Variants in CACNG7 observed in about 807,000 individuals in gnomAD.
CACNG7 encodes voltage-dependent calcium channel gamma-7 subunit.
CACNG7 carries 9 observed loss-of-function variants against 26.3 expected under a neutral mutation model. The observed-to-expected ratio is 0.34, with a 90% CI of 0.21 to 0.60. The LOEUF (loss-of-function observed/expected upper bound fraction) is 0.60, where lower values mean the gene tolerates loss of function less well. CACNG7 is among the 20% of genes least tolerant of loss of function. CACNG7 has a pLI of 0.81. For missense variants in CACNG7, 297 were observed against 380.4 expected, an observed-to-expected ratio of 0.78 and a Z score of 1.82; for synonymous variants, 170 against 157.0, an observed-to-expected ratio of 1.08 and a Z score of -0.62.
chr19:53,941,969 G>A, intron 5 of CACNG7, 67 bp from the exon 6 acceptor site: 1 of 1,491,140 alleles, frequency 6.7e-7, no homozygotes. Flanking sequence ...GGAGTGAGAG[G>A]AGATGAGTCG....
At chr19:53,916,081 T>A (rs1413291420) in intron 4 of CACNG7, among the ~76,000 whole-genome samples, 2 of 152,228 alleles carry the variant, frequency 1.3e-5, no homozygotes, top group African/African-American at 2.4e-5. Flanking sequence ...TGCATGGTCT[T>A]GCGTCTGTCC....
At position 53,942,409 on chromosome 19, in the gene CACNG7, T is replaced by C; in HGVS notation, c.*116T>C. 2.0e-6 allele frequency: 3 copies of C among 1,506,284 alleles called. No homozygotes were observed. Among genetic ancestry groups the C allele is most frequent in the East Asian group, 4.6e-5 (2 of 43,670 alleles). 93.3% of individuals were successfully genotyped at this position (1,506,284 alleles called of 1,614,324 possible). On this transcript the variant is annotated 3_prime_UTR_variant, in exon 6 of 6. Coordinates refer to ENST00000391767, the MANE Select transcript of CACNG7 (RefSeq NM_031896.5). This position sits in a 1 kb window ranked among gnomAD's most constrained non-coding sequence, Gnocchi z 5.9. ...CTCCTCGCTCCCACCCGGAGGAGGCTGCGCCAGCTTTAGGCCCCGCCCTCC... is the reference window on the plus strand; with the variant it reads ...CTCCTCGCTCCCACCCGGAGGAGGCCGCGCCAGCTTTAGGCCCCGCCCTCC...
intron 4 of CACNG7, among the ~76,000 whole-genome samples, chr19:53,928,332 T>C (rs939908370): frequency 1.3e-5 from 2 of 151,956 alleles, no homozygotes; most frequent in Non-Finnish European, 2.9e-5. Flanking sequence ...AGTGCAATGG[T>C]GCAATGTCGG....
In CACNG7 at chr19:53,922,295, T is replaced by TCATTGGTGCAGTTGTCCCCAGGTCTGGTC. The variant is rs560269668; in HGVS notation, c.424+6790_424+6791insCATTGGTGCAGTTGTCCCCAGGTCTGGTC. On this transcript the variant is annotated intron_variant, in intron 4 of 5. Coordinates refer to ENST00000391767, the MANE Select transcript of CACNG7 (RefSeq NM_031896.5). The stretch of plus-strand genomic sequence containing the variant: ...ATTGGTGCAGTTGCCCCAGGTCTGG[T>TCATTGGTGCAGTTGTCCCCAGGTCTGGTC]ATTGGTGGAGTTGTCCCCAGGTCTG... Among the ~76,000 whole-genome samples, 68 of 54,160 alleles carry TCATTGGTGCAGTTGTCCCCAGGTCTGGTC rather than the reference T, an allele frequency of 1.3e-3. 13 individuals are homozygous for TCATTGGTGCAGTTGTCCCCAGGTCTGGTC. Among genetic ancestry groups the TCATTGGTGCAGTTGTCCCCAGGTCTGGTC allele is most frequent in the Non-Finnish European group, 2.1e-3 (64 of 29,998 alleles). The allele number at this position is 54,160 out of a possible 152,430, so 35.5% of individuals were successfully genotyped here. A position where few individuals can be genotyped will look rare whatever the true frequency, so the allele number is the denominator to read the frequency against.
intron 4 of CACNG7, among the ~76,000 whole-genome samples, chr19:53,934,808 G>A (rs1314534194): frequency 1.3e-5 from 2 of 151,612 alleles, no homozygotes; most frequent in African/African-American, 2.4e-5. Flanking sequence ...CTAGTGTGCA[G>A]GTAATACTTT....
intron 4 of CACNG7, among the ~76,000 whole-genome samples, chr19:53,931,499 C>T (rs2069071133): frequency 6.6e-6 from 1 of 151,620 alleles, no homozygotes; most frequent in Non-Finnish European, 1.5e-5. Flanking sequence ...CCAGCCTGAC[C>T]AACATGGTGA....
At position 53,909,708 on chromosome 19, in the gene CACNG7, C is replaced by A. The variant is rs1446725867; in HGVS notation, c.-30+191C>A. On this transcript the variant is annotated intron_variant, in intron 1 of 5. Coordinates refer to ENST00000391767, the MANE Select transcript of CACNG7 (RefSeq NM_031896.5). The surrounding 1 kb of genome is among the most constrained non-coding windows in gnomAD (Gnocchi z 5.1). ...CCTGGCGATCCCGGAGGACGGGGTC[C>A]GAGGGTCCCGGAGTGGGAAACTGCA... Among the ~76,000 whole-genome samples the A allele has an allele frequency of 1.3e-5, 2 of 152,082 alleles. No homozygotes were observed. Among genetic ancestry groups the A allele is most frequent in the African/African-American group, 4.8e-5 (2 of 41,438 alleles).
chr19:53,935,777 A>C (rs2069101573), intron 4 of CACNG7, among the ~76,000 whole-genome samples: 1 of 149,730 alleles, frequency 6.7e-6, no homozygotes, highest in Non-Finnish European at 1.5e-5. Flanking sequence ...AGTAGCTGGG[A>C]TTACAGGCAC....
At chr19:53,911,254 C>A (rs2145895338) in intron 1 of CACNG7, among the ~76,000 whole-genome samples, 1 of 152,006 alleles carries the variant, frequency 6.6e-6, no homozygotes, top group Admixed American at 6.6e-5. Flanking sequence ...TTAGCAGAGA[C>A]AAGGTTTCAC....
chr19:53,932,276 T>G (rs961702787), intron 4 of CACNG7, among the ~76,000 whole-genome samples: 1 of 145,918 alleles, frequency 6.9e-6, no homozygotes, highest in Non-Finnish European at 1.5e-5. Context: ...AAAAAAAGAA[T>G]TAAAAAATAA....
rs374338691 is a variant in CACNG7 at position 53,923,327 on chromosome 19, G to C, written c.424+7822G>C. Among the ~76,000 whole-genome samples the C allele has an allele frequency of 3.1e-5, 4 of 130,558 alleles. No homozygotes were observed. The South Asian group carries it at 1.2e-3, about 38-fold the overall frequency. The allele number at this position is 130,558 out of a possible 152,430, so 85.7% of individuals were successfully genotyped here. A position where few individuals can be genotyped will look rare whatever the true frequency, so the allele number is the denominator to read the frequency against. On this transcript the variant is annotated intron_variant, in intron 4 of 5. Coordinates refer to ENST00000391767, the MANE Select transcript of CACNG7 (RefSeq NM_031896.5). ...AGTTGACTCAGGCTGGTCATTGGTG[G>C]AGTTGCCCCAGGCCTGGTCATTGGT...
intron 4 of CACNG7, among the ~76,000 whole-genome samples, chr19:53,924,281 T>G (rs74182513): frequency 0.45 from 58,992 of 130,172 alleles, 14,606 homozygotes; most frequent in African/African-American, 0.68. Context: ...TGGTGGACTT[T>G]CCCCAGGTCT....
chr19:53,924,031 A>G (rs1599983225), intron 4 of CACNG7, among the ~76,000 whole-genome samples: 1 of 125,100 alleles, frequency 8.0e-6, no homozygotes, highest in African/African-American at 3.3e-5. Flanking sequence ...TCATTGGTGG[A>G]GTTGCCCCAG....
chr19:53,919,440 TG>T (rs2068921238), intron 4 of CACNG7, among the ~76,000 whole-genome samples: 1 of 148,608 alleles, frequency 6.7e-6, no homozygotes, highest in African/African-American at 2.5e-5. Flanking sequence ...GGCTGGTCAT[TG>T]GTGGAGTTGC....
chr19:53,926,572 T>G (rs2069032570), intron 4 of CACNG7, among the ~76,000 whole-genome samples: 1 of 152,172 alleles, frequency 6.6e-6, no homozygotes, highest in African/African-American at 2.4e-5. Flanking sequence ...TTGCTACTGT[T>G]GTGCCATTTG....
chr19:53,923,373 C>CATTTGTGGAGTTGTCCCCAGGTCTGGT (rs2068982779), intron 4 of CACNG7, among the ~76,000 whole-genome samples: 4 of 60,564 alleles, frequency 6.6e-5, no homozygotes, highest in African/African-American at 4.5e-4. Flanking sequence ...CAGGTCTGGT[C>CATTTGTGGAGTTGTCCCCAGGTCTGGT]ATTGGTGGAG....
intron 1 of CACNG7, among the ~76,000 whole-genome samples, chr19:53,910,918 C>T (rs1480353754): frequency 3.3e-5 from 5 of 151,940 alleles, no homozygotes; most frequent in African/African-American, 9.7e-5. Flanking sequence ...AGTTTCAGAT[C>T]GTGTGTTAGG....
rs553934579 is a variant in CACNG7, at chr19:53,922,380, A to C, written c.424+6875A>C. Among the ~76,000 whole-genome samples, 9 of 99,484 alleles carry C rather than the reference A, an allele frequency of 9.0e-5. No homozygotes were observed. In the South Asian group the frequency reaches 1.4e-3, roughly 16 times the overall value. The allele number at this position is 99,484 out of a possible 152,430, so 65.3% of individuals were successfully genotyped here. A position where few individuals can be genotyped will look rare whatever the true frequency, so the allele number is the denominator to read the frequency against. ...GGTGGAGTTGTCCCCAGGCCTGGTCATTGGTGGAGTTGTCCCCAGGCCTGG... is the reference window on the plus strand; with the variant it reads ...GGTGGAGTTGTCCCCAGGCCTGGTCCTTGGTGGAGTTGTCCCCAGGCCTGG... On this transcript the variant is annotated intron_variant, in intron 4 of 5. Coordinates refer to ENST00000391767, the MANE Select transcript of CACNG7 (RefSeq NM_031896.5).
intron 4 of CACNG7, among the ~76,000 whole-genome samples, chr19:53,938,397 G>T (rs116382154): frequency 0.045 from 6,825 of 152,086 alleles, 412 homozygotes; most frequent in African/African-American, 0.12. Context: ...AAAGAAACAA[G>T]GAGAAACTGA....
Sources: gnomAD v4.1 joint callset for allele counts (sites outside exome capture counted in the v4.1 genomes callset) on GRCh38, gnomAD v4.1.1 for gene constraint, Gnocchi (gnomAD v3.1) non-coding constraint, MANE v1.5 for transcripts, NCBI Gene and HGNC (gene_info 2026-07-23, HGNC 2026-07-21) for gene names.